WDR59: variants seen among roughly 807,000 people sequenced by gnomAD.
WDR59 encodes GATOR2 complex protein WDR59.
In WDR59, 100 loss-of-function variants were observed where a neutral mutation model predicts 131.2. The observed-to-expected ratio is 0.76, with a 90% CI of 0.65 to 0.90. The LOEUF (loss-of-function observed/expected upper bound fraction) is 0.90. Among genes scored for constraint, WDR59 ranks in the 40% least tolerant of loss-of-function variants. The pLI, the probability that WDR59 is intolerant of heterozygous loss-of-function variation, is 0.00. For synonymous variants in WDR59, 601 were observed against 466.2 expected (o/e 1.29, Z -3.72); for missense variants, 1,203 against 1,262.2 (o/e 0.95, Z 0.71).
rs777612578 is a variant in WDR59 at position 74,874,447 on chromosome 16, G to A, written c.2690-3C>T. Reference sequence around the variant, plus strand: ...GTGGCTGCAGTACACGCCGAACTCTGGAAATGGGCAGGGACGGGCAAAACA... The same window carrying A: ...GTGGCTGCAGTACACGCCGAACTCTAGAAATGGGCAGGGACGGGCAAAACA... On this transcript the variant is annotated splice_region_variant and splice_polypyrimidine_tract_variant and intron_variant, in intron 25 of 25. Transcript: ENST00000262144. 6.8e-6 allele frequency: 11 copies of A among 1,613,568 alleles called. No individual in the cohort carries two copies. The South Asian group carries it at 7.7e-5, about 11-fold the overall frequency.
At chr16:74,879,542 C>T (rs565078066) in intron 25 of WDR59, among the ~76,000 whole-genome samples, 133 of 152,278 alleles carry the variant, frequency 8.7e-4, no homozygotes, top group African/African-American at 3.0e-3. Flanking sequence ...GGACTGAATA[C>T]AACTGATGGA....
chr16:74,917,301 G>T (rs536004314), intron 11 of WDR59, among the ~76,000 whole-genome samples: 2 of 152,198 alleles, frequency 1.3e-5, no homozygotes, highest in Non-Finnish European at 2.9e-5. Context: ...GCGTACAAGG[G>T]TAGGCTTCTT....
intron 3 of WDR59, among the ~76,000 whole-genome samples, chr16:74,952,729 G>A (rs962111463): frequency 1.5e-4 from 23 of 151,044 alleles, no homozygotes; most frequent in South Asian, 6.2e-4. Flanking sequence ...TTACTAGTAG[G>A]CTGAAAACAA....
rs970651520 is a variant in WDR59, at chr16:74,873,994, G to A, written c.*215C>T. ...ACACAAAGCGCAGCTCTGCACTTCT[G>A]TCCTTATCTTCACACAGTGACATCC... On this transcript the variant is annotated 3_prime_UTR_variant, in exon 26 of 26. Transcript: ENST00000262144. 5.2e-6 allele frequency: 3 copies of A among 574,570 alleles called. No homozygotes were observed. Among genetic ancestry groups the A allele is most frequent in the African/African-American group, 1.9e-5 (1 of 53,372 alleles). The allele number at this position is 574,570 out of a possible 1,614,324, so 35.6% of individuals were successfully genotyped here.
chr16:74,927,869 A>G (rs1360836532), intron 8 of WDR59, among the ~76,000 whole-genome samples: 1 of 151,496 alleles, frequency 6.6e-6, no homozygotes, highest in Non-Finnish European at 1.5e-5. Context: ...GGAAGGTATC[A>G]AGGATTCCTT....
At chr16:74,894,775 T>C (rs1210375848) in intron 18 of WDR59, among the ~76,000 whole-genome samples, 2 of 152,254 alleles carry the variant, frequency 1.3e-5, no homozygotes, top group East Asian at 1.9e-4. Context: ...TTATTTGTTA[T>C]GAATTTAGTC....
chr16:74,938,743 G>T (rs1289135425), intron 7 of WDR59, among the ~76,000 whole-genome samples: 3 of 151,920 alleles, frequency 2.0e-5, no homozygotes, highest in Non-Finnish European at 4.4e-5. Flanking sequence ...TTTGCATGTT[G>T]TCCAGGCTGG....
intron 1 of WDR59, among the ~76,000 whole-genome samples, chr16:74,970,179 T>A (rs1217051532): frequency 1.3e-5 from 2 of 152,162 alleles, no homozygotes; most frequent in Admixed American, 1.3e-4. Flanking sequence ...TTTGTCAACT[T>A]TGTCAAAGAT....
chr16:74,955,172 C>T (rs1395581701), intron 3 of WDR59, among the ~76,000 whole-genome samples: 1 of 152,182 alleles, frequency 6.6e-6, no homozygotes, highest in Non-Finnish European at 1.5e-5. Context: ...AGTGTTAATC[C>T]ACTGAGTACA....
chr16:74,981,637 TATATATATATATATA>T (rs1414213477), intron 1 of WDR59, among the ~76,000 whole-genome samples: 324 of 31,486 alleles, frequency 0.01, 28 homozygotes, highest in Middle Eastern at 0.04. Flanking sequence ...TATATATATA[TATATATATATATATA>T]TATATATATT....
chr16:74,981,279 G>C lies in WDR59; in HGVS notation c.54+3685C>G, dbSNP rs192923168. On this transcript the variant is annotated intron_variant, in intron 1 of 25. Coordinates refer to ENST00000262144, the MANE Select transcript of WDR59 (RefSeq NM_030581.4). ...TAGTCCCAGCTACTTGGGAGGTTGA[G>C]GCAGGAGAATGCCGTGAACCTGGGA... Among the ~76,000 whole-genome samples, 1,161 of 151,564 alleles carry C rather than the reference G, an allele frequency of 7.7e-3. 19 individuals carry two copies. Among genetic ancestry groups the C allele is most frequent in the African/African-American group, 0.026 (1,076 of 41,362 alleles).
chr16:74,977,415 G>A (rs563123067), intron 1 of WDR59, among the ~76,000 whole-genome samples: 30 of 152,214 alleles, frequency 2.0e-4, no homozygotes, highest in African/African-American at 4.8e-4. Flanking sequence ...GCAGCCGGGC[G>A]CGGTGGCTCG....
In WDR59 at chr16:74,938,127, A is replaced by T. The variant is rs750928025; in HGVS notation, c.651+23T>A. ...ATGCCACCCAAACACTGCTCCTCCA[A>T]CTTCCCCATGGGTGCCACTGACCTT... On this transcript the variant is annotated intron_variant, in intron 8 of 25. Coordinates refer to ENST00000262144, the MANE Select transcript of WDR59 (RefSeq NM_030581.4). 2.7e-6 allele frequency: 4 copies of T among 1,463,418 alleles called. No individual in the cohort carries two copies. In the South Asian group the frequency reaches 5.7e-5, roughly 21 times the overall value. 90.7% of individuals were successfully genotyped at this position (1,463,418 alleles called of 1,614,324 possible). A position where few individuals can be genotyped will look rare whatever the true frequency, so the allele number is the denominator to read the frequency against.
intron 3 of WDR59, among the ~76,000 whole-genome samples, chr16:74,952,427 G>A (rs1204108675): frequency 8.4e-6 from 1 of 119,314 alleles, no homozygotes; most frequent in African/African-American, 3.4e-5. Flanking sequence ...GGGTGACACA[G>A]CAAGACCCCA....
At chr16:74,983,888 A>AG (rs1374406314) in intron 1 of WDR59, among the ~76,000 whole-genome samples, 1 of 150,116 alleles carries the variant, frequency 6.7e-6, no homozygotes, top group Non-Finnish European at 1.5e-5. Flanking sequence ...CTGAGGTGGG[A>AG]GGATAGCTTG....
chr16:74,949,354 AG>A (rs1416605896), intron 5 of WDR59, among the ~76,000 whole-genome samples: 4 of 141,574 alleles, frequency 2.8e-5, no homozygotes, highest in African/African-American at 1.1e-4. Context: ...AAAAAAAAAA[AG>A]AAAGGAAAGA....
intron 1 of WDR59, among the ~76,000 whole-genome samples, chr16:74,968,322 A>T (rs1209810307): frequency 1.3e-5 from 2 of 152,236 alleles, no homozygotes; most frequent in Admixed American, 6.5e-5. Flanking sequence ...GCTGGCTGCA[A>T]AGACAGAAGG....
At chr16:74,935,111 C>G (rs2145065363) in intron 8 of WDR59, among the ~76,000 whole-genome samples, 1 of 152,112 alleles carries the variant, frequency 6.6e-6, no homozygotes, top group East Asian at 1.9e-4. Flanking sequence ...CCCTTGTAAT[C>G]CCAGCTACTG....
chr16:74,980,272 T>G (rs1218073008), intron 1 of WDR59, among the ~76,000 whole-genome samples: 2 of 152,064 alleles, frequency 1.3e-5, no homozygotes, highest in Non-Finnish European at 1.5e-5. Context: ...CAAAGCATTG[T>G]TTCATAAAAT....
Sources: gnomAD v4.1 joint callset for allele counts (sites outside exome capture counted in the v4.1 genomes callset) on GRCh38, gnomAD v4.1.1 for gene constraint, MANE v1.5 for transcripts, NCBI Gene and HGNC (gene_info 2026-07-23, HGNC 2026-07-21) for gene names.